ZCCHC14: variants seen among roughly 807,000 people sequenced by gnomAD.
ZCCHC14 encodes the protein zinc finger CCHC domain-containing protein 14.
In ZCCHC14, 16 loss-of-function variants were observed where a neutral mutation model predicts 85.0. The observed-to-expected ratio is 0.19, with a 90% CI of 0.13 to 0.29. The LOEUF (loss-of-function observed/expected upper bound fraction) is 0.29, where lower values mean the gene tolerates loss of function less well. Among genes scored for constraint, ZCCHC14 ranks in the 10% least tolerant of loss-of-function variants. ZCCHC14 has a pLI of 1.00. For synonymous variants in ZCCHC14, 775 were observed against 630.7 expected, an observed-to-expected ratio of 1.23 and a Z score of -3.43; for missense variants, 1,303 against 1,443.5, an observed-to-expected ratio of 0.90 and a Z score of 1.58.
intron 1 of ZCCHC14, among the ~76,000 whole-genome samples, chr16:87,475,904 G>A (rs994948788): frequency 1.3e-5 from 2 of 152,106 alleles, no homozygotes; most frequent in African/African-American, 4.8e-5. Context: ...AGTAAGTTCA[G>A]GACACCAAAT....
chr16:87,419,545 C>G (rs964219561), intron 6 of ZCCHC14, among the ~76,000 whole-genome samples: 13 of 152,222 alleles, frequency 8.5e-5, no homozygotes, highest in African/African-American at 3.1e-4. Context: ...TCGTGATCCA[C>G]CCGCCTCAGC....
chr16:87,485,967 T>C (rs913955116), intron 1 of ZCCHC14, among the ~76,000 whole-genome samples: 2 of 152,202 alleles, frequency 1.3e-5, no homozygotes, highest in African/African-American at 4.8e-5. Flanking sequence ...TACCATCGTA[T>C]TACTCATCAT....
rs1908345937 is a variant in ZCCHC14, at chr16:87,409,618, A to G, written c.*662T>C. ...ACCTGAAACTGCTACAAGTGCTTGGAGGAGGGAAGGAAATACTAAAACCTC... is the reference window on the plus strand; with the variant it reads ...ACCTGAAACTGCTACAAGTGCTTGGGGGAGGGAAGGAAATACTAAAACCTC... On this transcript the variant is annotated 3_prime_UTR_variant, in exon 13 of 13. Transcript: ENST00000671377. 6.6e-6 allele frequency: 1 copy of G among 152,614 alleles called. No homozygotes were observed. The highest frequency in any genetic ancestry group is 1.5e-5 in the Non-Finnish European group (1 of 68,040). 9.5% of individuals were successfully genotyped at this position (152,614 alleles called of 1,614,324 possible).
At chr16:87,462,601 A>G (rs4427813) in intron 1 of ZCCHC14, among the ~76,000 whole-genome samples, 120,899 of 151,870 alleles carry the variant, frequency 0.8, 48,770 homozygotes, top group Non-Finnish European at 0.87. Flanking sequence ...TTAGCCAGGC[A>G]TGGTGGCGGG....
At chr16:87,455,837 G>A (rs889932622) in intron 2 of ZCCHC14, among the ~76,000 whole-genome samples, 2 of 152,212 alleles carry the variant, frequency 1.3e-5, no homozygotes, top group Non-Finnish European at 2.9e-5. Flanking sequence ...TAGATTACAT[G>A]AGTCAAAACT....
chr16:87,419,050 G>A (rs1280136417), intron 6 of ZCCHC14, 149 bp from the exon 7 acceptor site: 19 of 663,648 alleles, frequency 2.9e-5, no homozygotes, highest in Admixed American at 1.9e-4. Flanking sequence ...TCTGCCTCCC[G>A]GGTTCAAGTG....
rs1028896255 is a variant in ZCCHC14 at position 87,406,588 on chromosome 16, T to C, written c.*3692A>G. ...GTGTCCAGTTTCAGTACCAAAGCCT[T>C]CTCTTTTTGTGCACGTAAGACTCAC... On this transcript the variant is annotated 3_prime_UTR_variant, in exon 13 of 13. Coordinates refer to ENST00000671377, the MANE Select transcript of ZCCHC14 (RefSeq NM_015144.3). 3.9e-5 allele frequency: 6 copies of C among 152,356 alleles called. No individual in the cohort carries two copies. Among genetic ancestry groups the C allele is most frequent in the East Asian group, 1.9e-4 (1 of 5,192 alleles). 9.4% of individuals were successfully genotyped at this position (152,356 alleles called of 1,614,324 possible). A position where few individuals can be genotyped will look rare whatever the true frequency, so the allele number is the denominator to read the frequency against.
intron 4 of ZCCHC14, among the ~76,000 whole-genome samples, chr16:87,422,362 G>C (rs892572209): frequency 6.6e-6 from 1 of 152,136 alleles, no homozygotes; most frequent in Non-Finnish European, 1.5e-5. Flanking sequence ...TCTGAGGCTC[G>C]TGCCGCCAGA....
At chr16:87,483,012 C>T (rs1306022958) in intron 1 of ZCCHC14, among the ~76,000 whole-genome samples, 1 of 151,054 alleles carries the variant, frequency 6.6e-6, no homozygotes, top group East Asian at 1.9e-4. Context: ...ACCCAGAAGC[C>T]ATACCAAAAA....
At position 87,409,021 on chromosome 16, in the gene ZCCHC14, T is replaced by G. The variant is rs939737963; in HGVS notation, c.*1259A>C. 7 of 152,462 alleles carry G rather than the reference T, an allele frequency of 4.6e-5. No homozygotes were observed. The highest frequency in any genetic ancestry group is 3.3e-4 in the Admixed American group (5 of 15,246). The allele number at this position is 152,462 out of a possible 1,614,324, so 9.4% of individuals were successfully genotyped here. A position where few individuals can be genotyped will look rare whatever the true frequency, so the allele number is the denominator to read the frequency against. ...GACAAAAGGCTTTCATTTCCGTGGG[T>G]TGAAATTTAGAGATCTACAGTGAGG... On this transcript the variant is annotated 3_prime_UTR_variant, in exon 13 of 13. Coordinates refer to ENST00000671377, the MANE Select transcript of ZCCHC14 (RefSeq NM_015144.3).
intron 2 of ZCCHC14, among the ~76,000 whole-genome samples, chr16:87,456,533 C>CAAAAAAAAAAAAAAAA (rs60817141): frequency 1.6e-5 from 1 of 63,374 alleles, no homozygotes; most frequent in Admixed American, 1.9e-4. Flanking sequence ...ACTCTGTCTC[C>CAAAAAAAAAAAAAAAA]AAAAAAAAAA....
At chr16:87,430,608 G>T (rs1008780383) in intron 3 of ZCCHC14, among the ~76,000 whole-genome samples, 1 of 149,854 alleles carries the variant, frequency 6.7e-6, no homozygotes, top group Non-Finnish European at 1.5e-5. Context: ...TGCAACCTCT[G>T]CCTCCCAGGT....
At chr16:87,467,758 T>A (rs1911594590) in intron 1 of ZCCHC14, 1 of 529,108 alleles carries the variant, frequency 1.9e-6, no homozygotes. Context: ...TTCACACCAT[T>A]CTCCTGCCTC....
At chr16:87,466,918 C>T (rs1235475424) in intron 1 of ZCCHC14, among the ~76,000 whole-genome samples, 1 of 152,146 alleles carries the variant, frequency 6.6e-6, no homozygotes, top group Non-Finnish European at 1.5e-5. Context: ...CACTGCCCTC[C>T]TCACCTTGTT....
chr16:87,467,768 C>T, intron 1 of ZCCHC14: 1 of 514,230 alleles, frequency 1.9e-6, no homozygotes, highest in Non-Finnish European at 3.5e-6. Flanking sequence ...TCTCCTGCCT[C>T]AGCTTCTCAA....
chr16:87,416,977 T>C (rs1455496596), intron 8 of ZCCHC14, among the ~76,000 whole-genome samples: 4 of 152,218 alleles, frequency 2.6e-5, no homozygotes, highest in African/African-American at 9.6e-5. Flanking sequence ...GTTTTATCAC[T>C]GACATCAAGA....
chr16:87,452,632 C>A (rs1223334694), intron 2 of ZCCHC14, among the ~76,000 whole-genome samples: 7 of 152,116 alleles, frequency 4.6e-5, no homozygotes, highest in African/African-American at 1.4e-4. Flanking sequence ...ATGCAGCCCA[C>A]CAGCTGCACA....
chr16:87,433,634 G>T (rs146428212), intron 2 of ZCCHC14, among the ~76,000 whole-genome samples: 5 of 152,204 alleles, frequency 3.3e-5, no homozygotes, highest in East Asian at 3.9e-4. Flanking sequence ...CAAGAACACA[G>T]TCACCTGGGG....
Position 87,473,599 on chromosome 16 carries a change from G to C in ZCCHC14, c.571-13468C>G, listed in dbSNP as rs193246079. On this transcript the variant is annotated intron_variant, in intron 1 of 12. Coordinates refer to ENST00000671377, the MANE Select transcript of ZCCHC14 (RefSeq NM_015144.3). ...ATGCTTAAATACTGGGGTTTTCTTA[G>C]AGAAGCTGGCTAAATGTCTAATCAC... The C allele has an allele frequency of 2.6e-5, 4 of 152,340 alleles. No homozygotes were observed. In the East Asian group the frequency reaches 7.7e-4, roughly 29 times the overall value. The allele number at this position is 152,340 out of a possible 1,614,324, so 9.4% of individuals were successfully genotyped here. A position where few individuals can be genotyped will look rare whatever the true frequency, so the allele number is the denominator to read the frequency against.
Sources: allele counts gnomAD v4.1 joint callset (sites outside exome capture counted in the v4.1 genomes callset), GRCh38; gene constraint gnomAD v4.1.1; transcripts MANE v1.5; gene names NCBI Gene and HGNC (gene_info 2026-07-23, HGNC 2026-07-21).